TASP1: variants seen among roughly 807,000 people sequenced by gnomAD.
TASP1 encodes the protein threonine aspartase 1.
In TASP1, 16 loss-of-function variants were observed where a neutral mutation model predicts 56.6. The ratio of observed to expected loss-of-function variants is 0.28; its 90% CI spans 0.19 to 0.43. The LOEUF (loss-of-function observed/expected upper bound fraction) is 0.43, where lower values mean the gene tolerates loss of function less well. Among genes scored for constraint, TASP1 ranks in the 20% least tolerant of loss-of-function variants. TASP1 has a pLI of 1.00. For missense variants in TASP1, 393 were observed against 511.6 expected, an observed-to-expected ratio of 0.77 and a Z score of 2.24; for synonymous variants, 179 against 184.2, an observed-to-expected ratio of 0.97 and a Z score of 0.23.
At chr20:13,604,797 C>G (rs1258476559) in intron 4 of TASP1, among the ~76,000 whole-genome samples, 1 of 151,960 alleles carries the variant, frequency 6.6e-6, no homozygotes. Flanking sequence ...AACTGCAGAT[C>G]TGTGGAAATC....
the TASP1 span, among the ~76,000 whole-genome samples, chr20:13,240,158 A>G: frequency 4.6e-5 from 7 of 152,238 alleles, no homozygotes; most frequent in Non-Finnish European, 1.5e-5. Flanking sequence ...TTCATTCAGC[A>G]CTTTCATATC....
At chr20:13,357,475 A>G in the TASP1 span, among the ~76,000 whole-genome samples, 3 of 152,204 alleles carry the variant, frequency 2.0e-5, no homozygotes, top group African/African-American at 7.2e-5. Context: ...AAAGACAACA[A>G]ATACATGTTT....
intron 12 of TASP1, among the ~76,000 whole-genome samples, chr20:13,430,493 G>C (rs6033708): frequency 6.6e-6 from 1 of 152,144 alleles, no homozygotes; most frequent in Non-Finnish European, 1.5e-5. Flanking sequence ...AGTTTTTTGC[G>C]AAGTGGGCTT....
the TASP1 span, among the ~76,000 whole-genome samples, chr20:13,141,523 G>A: frequency 1.3e-5 from 2 of 152,150 alleles, no homozygotes; most frequent in East Asian, 3.8e-4. Context: ...AGGACATGGT[G>A]TTTGCTCCAT....
At chr20:13,176,746 A>G in the TASP1 span, among the ~76,000 whole-genome samples, 4 of 152,368 alleles carry the variant, frequency 2.6e-5, no homozygotes, top group East Asian at 7.7e-4. Context: ...TAGAACTGAT[A>G]AACAAATTCA....
rs937044963 is a variant in TASP1, at chr20:13,393,900, A to G, written c.1171-3448T>C. On this transcript the variant is annotated intron_variant, in intron 13 of 13. Coordinates refer to ENST00000337743, the MANE Select transcript of TASP1 (RefSeq NM_017714.3). ...CCAAAAAAAAAAAGGTGTGGGGGGG[A>G]AAAGAATTTTAAGTGTTTTAACTGA... 1.8e-3 allele frequency among the ~76,000 whole-genome samples: 265 copies of G among 151,068 alleles called. 2 individuals are homozygous for G. Among genetic ancestry groups the G allele is most frequent in the Non-Finnish European group, 2.5e-3 (171 of 67,836 alleles).
At chr20:13,481,031 T>A (rs2043122076) in intron 11 of TASP1, among the ~76,000 whole-genome samples, 1 of 152,126 alleles carries the variant, frequency 6.6e-6, no homozygotes, top group African/African-American at 2.4e-5. Context: ...TGTTGTGCCA[T>A]CAAATAGTAG....
At chr20:13,523,066 C>T (rs1290627227) in intron 10 of TASP1, among the ~76,000 whole-genome samples, 2 of 151,988 alleles carry the variant, frequency 1.3e-5, no homozygotes, top group African/African-American at 4.8e-5. Flanking sequence ...GAGGAGAAGT[C>T]CTGACTGAAG....
At chr20:13,535,953 C>T (rs1054463993) in intron 8 of TASP1, among the ~76,000 whole-genome samples, 4 of 152,120 alleles carry the variant, frequency 2.6e-5, no homozygotes, top group African/African-American at 7.2e-5. Flanking sequence ...TACGGAAATG[C>T]ATTAAAAACA....
chr20:13,153,884 T>C, the TASP1 span: 31,574 of 1,327,504 alleles, frequency 0.024, 531 homozygotes, highest in African/African-American at 0.081. Context: ...CCCTACTTCC[T>C]CCTCCCAGCT....
chr20:13,203,611 G>A, the TASP1 span, among the ~76,000 whole-genome samples: 1 of 152,134 alleles, frequency 6.6e-6, no homozygotes, highest in Non-Finnish European at 1.5e-5. Context: ...ATTCGGAAAA[G>A]CAATTAATTA....
the TASP1 span, chr20:13,288,809 G>C: frequency 1.6e-5 from 16 of 972,096 alleles, no homozygotes; most frequent in East Asian, 2.6e-5. Flanking sequence ...TTTTGAGACG[G>C]AGTCTCTCCC....
In TASP1 at chr20:13,556,106, G is replaced by A. The variant is rs145945029; in HGVS notation, c.675+2902C>T. ...TTTCCACTGCCTACTTCTACCACCA[G>A]AAAGCCCCATTTCCCCAGCTCTACT... On this transcript the variant is annotated intron_variant, in intron 8 of 13. Transcript: ENST00000337743. 7.2e-5 allele frequency among the ~76,000 whole-genome samples: 11 copies of A among 152,244 alleles called. No individual in the cohort carries two copies. The East Asian group carries it at 2.1e-3, about 29-fold the overall frequency.
chr20:13,527,568 A>G (rs1399163335), intron 10 of TASP1, among the ~76,000 whole-genome samples: 2 of 152,134 alleles, frequency 1.3e-5, no homozygotes, highest in Non-Finnish European at 2.9e-5. Flanking sequence ...CATTCTGCCT[A>G]TTAAAACTCT....
intron 11 of TASP1, 152 bp from the exon 12 acceptor site, chr20:13,435,306 T>C (rs551085089): frequency 3.2e-6 from 2 of 633,602 alleles, no homozygotes; most frequent in Non-Finnish European, 2.7e-6. Flanking sequence ...ATATACTTGA[T>C]GGCAAAGGCA....
chr20:13,610,397 A>G (rs943685596), intron 4 of TASP1, among the ~76,000 whole-genome samples: 2 of 152,164 alleles, frequency 1.3e-5, no homozygotes, highest in Admixed American at 6.5e-5. Context: ...AGGTGACTGA[A>G]GGGGGCACAA....
At chr20:13,503,349 T>C (rs1419916181) in intron 10 of TASP1, among the ~76,000 whole-genome samples, 3 of 151,974 alleles carry the variant, frequency 2.0e-5, no homozygotes, top group Non-Finnish European at 4.4e-5. Context: ...CTCTGCAGGA[T>C]TGAGAAAAGG....
the TASP1 span, among the ~76,000 whole-genome samples, chr20:13,252,119 A>G: frequency 1.3e-5 from 2 of 152,166 alleles, no homozygotes; most frequent in African/African-American, 4.8e-5. Flanking sequence ...GGCCCTGTCT[A>G]CGGAGCCTTA....
chr20:13,279,695 A>G, the TASP1 span: 1 of 1,613,902 alleles, frequency 6.2e-7, no homozygotes, highest in African/African-American at 1.3e-5. Context: ...CATCCGGAGA[A>G]TAAGCCCAGC....
Sources: gnomAD v4.1 joint callset for allele counts (sites outside exome capture counted in the v4.1 genomes callset) on GRCh38, gnomAD v4.1.1 for gene constraint, MANE v1.5 for transcripts, NCBI Gene and HGNC (gene_info 2026-07-23, HGNC 2026-07-21) for gene names.